ZAP70: variants seen among roughly 807,000 people sequenced by gnomAD.
ZAP70 encodes the protein zeta chain of T cell receptor associated protein kinase 70, also known as tyrosine-protein kinase ZAP-70.
A neutral mutation model predicts 65.8 loss-of-function variants in ZAP70; 27 were observed. The ratio of observed to expected loss-of-function variants is 0.41; its 90% confidence interval spans 0.30 to 0.57. The LOEUF (loss-of-function observed/expected upper bound fraction) is 0.57, where lower values mean the gene tolerates loss of function less well. Ranked by LOEUF, ZAP70 falls within the 20% of genes least tolerant of loss-of-function variation. The pLI, the probability that ZAP70 is intolerant of heterozygous loss-of-function variation, is 0.28. For missense variants in ZAP70, 696 were observed against 870.5 expected (o/e 0.80, Z 2.52); for synonymous variants, 363 against 360.8 (o/e 1.01, Z -0.07).
rs1217835721 is a variant in ZAP70 at position 97,724,611 on chromosome 2, C to T, written c.402+173C>T. 3.3e-6 allele frequency: 5 copies of T among 1,533,684 alleles called. No homozygotes were observed. In the African/African-American group the frequency reaches 5.5e-5, roughly 17 times the overall value. ...AGAACCTGAAAGGAGGCCTCAGAGG[C>T]AGGGGCTCCGTGGTGGCGGTCGCCT... is the stretch of plus-strand genomic sequence containing the variant. On this transcript the variant is annotated intron_variant, in intron 3 of 13. Transcript: ENST00000264972.
chr2:97,747,357 C>A, the ZAP70 span, among the ~76,000 whole-genome samples: 1 of 152,194 alleles, frequency 6.6e-6, no homozygotes, highest in Non-Finnish European at 1.5e-5. Context: ...GTGGTATATA[C>A]ATACACGGAA....
chr2:97,734,559 T>G lies in ZAP70; in HGVS notation c.929T>G (p.Met310Arg). ...CCAGACAAACCGCGGCCGATGCCCATGGACACGAGCGTGTATGAGAGCCCC... is the reference window on the plus strand; with the variant it reads ...CCAGACAAACCGCGGCCGATGCCCAGGGACACGAGCGTGTATGAGAGCCCC... ...TSPDKPRPMP[M>R]DTSVYESPYS... The change falls in exon 9 of 14, where the codon ATG (methionine) becomes AGG (arginine). Residue 310 changes from methionine to arginine, a missense_variant. Met to Arg is a moderately conservative substitution (Grantham distance 91). Transcript: ENST00000264972. The G allele has an allele frequency of 6.2e-7, 1 of 1,614,128 alleles. No homozygotes were observed. Among genetic ancestry groups the G allele is most frequent in the Non-Finnish European group, 8.5e-7 (1 of 1,180,006 alleles).
downstream of ZAP70, among the ~76,000 whole-genome samples, chr2:97,741,575 C>A (rs376116542): frequency 6.6e-6 from 1 of 152,228 alleles, no homozygotes; most frequent in Admixed American, 6.5e-5. Flanking sequence ...GAAAGCTCCC[C>A]GCCCAGGCTC....
At chr2:97,723,910 T>C (rs1304046505) in intron 2 of ZAP70, 106 bp from the exon 3 acceptor site, 6 of 1,318,358 alleles carry the variant, frequency 4.6e-6, no homozygotes. Context: ...GAGCTCAGTC[T>C]GCGGCACTGA....
intron 2 of ZAP70, among the ~76,000 whole-genome samples, chr2:97,714,749 G>A (rs1676841009): frequency 6.6e-6 from 1 of 152,196 alleles, no homozygotes; most frequent in African/African-American, 2.4e-5. Flanking sequence ...ATGCCTTGCT[G>A]AGAGATCAGG....
At chr2:97,754,475 T>G in the ZAP70 span, among the ~76,000 whole-genome samples, 1 of 152,138 alleles carries the variant, frequency 6.6e-6, no homozygotes. Flanking sequence ...TGATCTTGGC[T>G]CACTGCAACC....
intron 3 of ZAP70, 150 bp from the exon 4 acceptor site, chr2:97,724,942 G>A: frequency 6.5e-7 from 1 of 1,534,394 alleles, no homozygotes; most frequent in Non-Finnish European, 8.7e-7. Flanking sequence ...CCACGGAGAT[G>A]GCGCGGAGGT....
rs1677933261 is a variant in ZAP70 at position 97,737,342 on chromosome 2, C to T, written c.1290-131C>T. 4 of 904,228 alleles carry T rather than the reference C, an allele frequency of 4.4e-6. No individual in the cohort carries two copies. In the African/African-American group the frequency reaches 6.5e-5, roughly 15 times the overall value. The allele number at this position is 904,228 out of a possible 1,614,324, so 56.0% of individuals were successfully genotyped here. ...CCCCAGCCCCACGCCTGGCACACAG[C>T]AGGTGCTCAATAAGCGTTTTTGAAC... On this transcript the variant is annotated intron_variant, in intron 10 of 13. Transcript: ENST00000264972. This position sits in a 1 kb window ranked among gnomAD's most constrained non-coding sequence, Gnocchi z 5.0.
intron 2 of ZAP70, among the ~76,000 whole-genome samples, chr2:97,719,560 G>GGT (rs1553572094): frequency 6.7e-6 from 1 of 150,122 alleles, no homozygotes; most frequent in African/African-American, 2.5e-5. Flanking sequence ...GCCTGGGGGG[G>GGT]GGGCGCAGAC....
At chr2:97,717,979 T>C (rs1474221819) in intron 2 of ZAP70, among the ~76,000 whole-genome samples, 1 of 152,200 alleles carries the variant, frequency 6.6e-6, no homozygotes, top group Non-Finnish European at 1.5e-5. Flanking sequence ...ATCTCTGTGC[T>C]GTGATCCAGG....
downstream of ZAP70, among the ~76,000 whole-genome samples, chr2:97,741,884 G>A (rs1678139324): frequency 6.6e-6 from 1 of 152,236 alleles, no homozygotes; most frequent in Non-Finnish European, 1.5e-5. Context: ...CACTGGCATG[G>A]TGGCAGCCCA....
chr2:97,752,543 G>A, the ZAP70 span, among the ~76,000 whole-genome samples: 1 of 152,230 alleles, frequency 6.6e-6, no homozygotes, highest in South Asian at 2.1e-4. Context: ...TCACAGGAGT[G>A]TTTCTATAGG....
intron 4 of ZAP70, among the ~76,000 whole-genome samples, chr2:97,728,099 G>A (rs1573269524): frequency 1.3e-5 from 2 of 152,354 alleles, no homozygotes; most frequent in South Asian, 2.1e-4. Flanking sequence ...CTGCCCAAAG[G>A]AAAAGTTCAA....
chr2:97,731,285 C>CTCACTGGA lies in ZAP70; in HGVS notation c.564-1597_564-1590dup, dbSNP rs1677594387. Among the ~76,000 whole-genome samples the CTCACTGGA allele has an allele frequency of 6.6e-6, 1 of 152,186 alleles. No individual in the cohort carries two copies. The highest frequency in any genetic ancestry group is 2.4e-5 in the African/African-American group (1 of 41,438). On this transcript the variant is annotated intron_variant, in intron 4 of 13. Transcript: ENST00000264972. The surrounding 1 kb of genome is among the most constrained non-coding windows in gnomAD (Gnocchi z 4.0). ...CCCCCAGGGCCAATAGCCCTCCCTC[C>CTCACTGGA]TCACTGGAAAGCTGCACTTAACAGG...
intron 9 of ZAP70, 132 bp from the exon 10 acceptor site, chr2:97,735,118 T>C: frequency 8.9e-7 from 1 of 1,126,688 alleles, no homozygotes; most frequent in South Asian, 1.4e-5. Flanking sequence ...AGCGCCTTGG[T>C]CCCAGCCTGG....
chr2:97,732,446 T>C (rs1350003601), intron 4 of ZAP70, among the ~76,000 whole-genome samples: 1 of 152,164 alleles, frequency 6.6e-6, no homozygotes, highest in Non-Finnish European at 1.5e-5. Flanking sequence ...GTTGGCTGAC[T>C]GTATGGCCGA....
the ZAP70 span, chr2:97,756,297 A>G: frequency 1.3e-5 from 2 of 152,212 alleles, no homozygotes; most frequent in Non-Finnish European, 2.9e-5. Flanking sequence ...AAATCCTAAT[A>G]AATACACCTT....
At chr2:97,738,885 G>A (rs1393287920) in intron 13 of ZAP70, among the ~76,000 whole-genome samples, 1 of 152,046 alleles carries the variant, frequency 6.6e-6, no homozygotes, top group Non-Finnish European at 1.5e-5. Flanking sequence ...CACAGTCCAT[G>A]GATACCCCAT....
At chr2:97,752,930 A>T in the ZAP70 span, among the ~76,000 whole-genome samples, 1 of 152,236 alleles carries the variant, frequency 6.6e-6, no homozygotes, top group African/African-American at 2.4e-5. Flanking sequence ...TAAAATTAGG[A>T]CAAGGCTACT....
Sources: allele counts gnomAD v4.1 joint callset (sites outside exome capture counted in the v4.1 genomes callset), GRCh38; gene constraint gnomAD v4.1.1; non-coding constraint Gnocchi (gnomAD v3.1); transcripts MANE v1.5; gene names NCBI Gene and HGNC (gene_info 2026-07-23, HGNC 2026-07-21).